Variants in MS4A12 observed in about 807,000 individuals in gnomAD.
MS4A12 encodes membrane-spanning 4-domains subfamily A member 12.
A neutral mutation model predicts 23.7 loss-of-function variants in MS4A12; 28 were observed. The observed-to-expected ratio is 1.18, with a 90% confidence interval of 0.88 to 1.62. The LOEUF (loss-of-function observed/expected upper bound fraction) is 1.62. Among genes scored for constraint, MS4A12 ranks in the 40% most tolerant of loss-of-function variants. MS4A12 has a pLI of 0.00. For missense variants in MS4A12, 342 were observed against 327.0 expected (o/e 1.05, Z -0.35); for synonymous variants, 108 against 110.1 (o/e 0.98, Z 0.12).
intron 5 of MS4A12, among the ~76,000 whole-genome samples, chr11:60,505,543 T>C (rs2086564155): frequency 6.6e-6 from 1 of 152,014 alleles, no homozygotes; most frequent in Non-Finnish European, 1.5e-5. Flanking sequence ...GCTTTCAAAC[T>C]GGCATCCAAG....
intron 2 of MS4A12, chr11:60,497,867 A>C: frequency 3.1e-6 from 1 of 317,772 alleles, no homozygotes; most frequent in Non-Finnish European, 5.8e-6. Context: ...GCTTGATCTC[A>C]TTTCTTCAAA....
Position 60,497,412 on chromosome 11 carries a change from C to T in MS4A12, c.94C>T (p.Gln32Ter), listed in dbSNP as rs760018313. Residue 32 changes from glutamine to a stop codon, truncating the protein, a stop_gained, in exon 2 of 7, where the codon CAG (glutamine) becomes TAG (stop). Transcript: ENST00000016913. LOFTEE classifies it high-confidence loss of function. ...CAGCTTTATGGCTCCTGGATTTCAACAGCCTCTGGGTTCAATCAACTTAGA... is the reference window on the plus strand; with the variant it reads ...CAGCTTTATGGCTCCTGGATTTCAATAGCCTCTGGGTTCAATCAACTTAGA... ...PSSFMAPGFQ[Q>*]PLGSINLENQ... 5 of 1,614,182 alleles carry T rather than the reference C, an allele frequency of 3.1e-6. No homozygotes were observed. Among genetic ancestry groups the T allele is most frequent in the Non-Finnish European group, 4.2e-6 (5 of 1,180,028 alleles).
At chr11:60,500,899 C>A in intron 2 of MS4A12, 146 bp from the exon 3 acceptor site, 1 of 877,652 alleles carries the variant, frequency 1.1e-6, no homozygotes, top group Non-Finnish European at 1.7e-6. Context: ...TCTTCATGAC[C>A]CACCTCCTGC....
chr11:60,497,752 A>G (rs1168256970), intron 2 of MS4A12, 158 bp downstream of exon 2: 30 of 842,342 alleles, frequency 3.6e-5, no homozygotes, highest in Non-Finnish European at 5.2e-5. Flanking sequence ...CTTTCCCTTG[A>G]GTTCATTTCA....
intron 5 of MS4A12, among the ~76,000 whole-genome samples, chr11:60,506,188 T>G (rs905972092): frequency 6.6e-6 from 1 of 152,226 alleles, no homozygotes; most frequent in Non-Finnish European, 1.5e-5. Context: ...AGAGTTCAAG[T>G]GAGCTTAATA....
intron 2 of MS4A12, among the ~76,000 whole-genome samples, chr11:60,500,013 G>A (rs1258165210): frequency 6.6e-6 from 1 of 151,844 alleles, no homozygotes; most frequent in Non-Finnish European, 1.5e-5. Context: ...GCCAAGGCGG[G>A]CAGATCAAGA....
At chr11:60,506,490 C>A (rs940222913) in intron 5 of MS4A12, among the ~76,000 whole-genome samples, 2 of 152,182 alleles carry the variant, frequency 1.3e-5, no homozygotes, top group Non-Finnish European at 2.9e-5. Context: ...AAACTACCTT[C>A]TTTCTAATAT....
intron 2 of MS4A12, 142 bp from the exon 3 acceptor site, chr11:60,500,903 C>A: frequency 1.1e-6 from 1 of 920,574 alleles, no homozygotes; most frequent in Non-Finnish European, 1.6e-6. Context: ...CATGACCCAC[C>A]TCCTGCTTCA....
intron 2 of MS4A12, among the ~76,000 whole-genome samples, chr11:60,500,765 T>C (rs1419498988): frequency 6.6e-6 from 1 of 152,230 alleles, no homozygotes; most frequent in African/African-American, 2.4e-5. Context: ...TGCTAATGCA[T>C]GATTAAGCAG....
chr11:60,500,366 T>C (rs544475314), intron 2 of MS4A12, among the ~76,000 whole-genome samples: 1 of 151,914 alleles, frequency 6.6e-6, no homozygotes, highest in African/African-American at 2.4e-5. Flanking sequence ...ATTAATTTGG[T>C]GTAATCAAGA....
At chr11:60,494,306 G>A (rs895979718) in intron 1 of MS4A12, among the ~76,000 whole-genome samples, 1 of 152,072 alleles carries the variant, frequency 6.6e-6, no homozygotes. Context: ...AGATATGAAA[G>A]GAGAAACTGT....
intron 2 of MS4A12, 108 bp downstream of exon 2, chr11:60,497,702 A>G (rs1014195012): frequency 1.6e-6 from 2 of 1,219,524 alleles, no homozygotes; most frequent in Non-Finnish European, 1.1e-6. Context: ...TTATTCTGAA[A>G]TTATCTCTTT....
intron 6 of MS4A12, 74 bp from the exon 7 acceptor site, chr11:60,506,946 C>T (rs1190519719): frequency 3.3e-6 from 5 of 1,523,118 alleles, no homozygotes; most frequent in Non-Finnish European, 2.7e-6. Flanking sequence ...CTTTGTCCTT[C>T]ACTCTGATGG....
chr11:60,503,860 T>C lies in MS4A12; in HGVS notation c.588+43T>C, dbSNP rs773726398. On this transcript the variant is annotated intron_variant, in intron 5 of 6. Transcript: ENST00000016913. ...CACCATGTGCCTGCTCTATTTTCAG[T>C]CCCGTAAAGTGGGTCTATGTTTTAT... The C allele has an allele frequency of 2.0e-6, 3 of 1,520,868 alleles. No homozygotes were observed. In the East Asian group the frequency reaches 6.8e-5, roughly 34 times the overall value. 94.2% of individuals were successfully genotyped at this position (1,520,868 alleles called of 1,614,324 possible). A position where few individuals can be genotyped will look rare whatever the true frequency, so the allele number is the denominator to read the frequency against.
At chr11:60,502,090 A>G (rs2086534845) in intron 4 of MS4A12, 51 bp downstream of exon 4, 8 of 1,512,196 alleles carry the variant, frequency 5.3e-6, no homozygotes, top group Admixed American at 3.8e-5. Flanking sequence ...TTAGCTTAAC[A>G]TATTGGGGAG....
At chr11:60,497,748 C>A (rs1416894487) in intron 2 of MS4A12, 154 bp downstream of exon 2, 12 of 867,272 alleles carry the variant, frequency 1.4e-5, no homozygotes, top group Non-Finnish European at 2.1e-5. Context: ...TAGACTTTCC[C>A]TTGAGTTCAT....
intron 4 of MS4A12, among the ~76,000 whole-genome samples, 173 bp from the exon 5 acceptor site, chr11:60,503,528 T>C (rs2086546675): frequency 6.6e-6 from 1 of 152,194 alleles, no homozygotes; most frequent in Non-Finnish European, 1.5e-5. Context: ...CTAGGCTGCA[T>C]ACAGAATAAT....
chr11:60,497,841 A>G lies in MS4A12; in HGVS notation c.276+247A>G, dbSNP rs1352310657. 7 of 465,774 alleles carry G rather than the reference A, an allele frequency of 1.5e-5. No homozygotes were observed. In the Admixed American group the frequency reaches 2.6e-4, roughly 18 times the overall value. 28.9% of individuals were successfully genotyped at this position (465,774 alleles called of 1,614,324 possible). ...AATTTGGTAATATTGACGTGACAGAAGCACTGTTACATCTAGCTTGATCTC... is the reference window on the plus strand; with the variant it reads ...AATTTGGTAATATTGACGTGACAGAGGCACTGTTACATCTAGCTTGATCTC... On this transcript the variant is annotated intron_variant, in intron 2 of 6. Transcript: ENST00000016913.
intron 2 of MS4A12, among the ~76,000 whole-genome samples, chr11:60,500,410 A>C (rs1018141820): frequency 2.6e-5 from 4 of 152,224 alleles, no homozygotes; most frequent in Non-Finnish European, 4.4e-5. Flanking sequence ...AGAGCTGAGC[A>C]TGGGGGAAGA....
Sources: gnomAD v4.1 joint callset for allele counts (sites outside exome capture counted in the v4.1 genomes callset) on GRCh38, gnomAD v4.1.1 for gene constraint, MANE v1.5 for transcripts, NCBI Gene and HGNC (gene_info 2026-07-23, HGNC 2026-07-21) for gene names.